Variants in TSHZ2 observed in about 807,000 individuals in gnomAD.
TSHZ2 encodes teashirt homolog 2.
A neutral mutation model predicts 74.4 loss-of-function variants in TSHZ2; 21 were observed. The observed-to-expected ratio is 0.28, with a 90% CI of 0.20 to 0.41. The LOEUF (loss-of-function observed/expected upper bound fraction) is 0.41. TSHZ2 is among the 10% of genes least tolerant of loss of function. The probability of loss-of-function intolerance (pLI) is 1.00; values close to 1 mark genes in which losing one functional copy is unlikely to be tolerated. For missense variants in TSHZ2, 1,244 were observed against 1,293.5 expected (o/e 0.96, Z 0.59); for synonymous variants, 540 against 515.3 (o/e 1.05, Z -0.65).
intron 1 of TSHZ2, among the ~76,000 whole-genome samples, chr20:53,096,711 G>A (rs979519391): frequency 6.6e-5 from 10 of 151,650 alleles, no homozygotes; most frequent in Non-Finnish European, 1.0e-4. Context: ...GGTGAAACTC[G>A]TCTCTACTAA....
chr20:53,056,338 G>C lies in TSHZ2; in HGVS notation c.40+83005G>C, dbSNP rs572838454. ...ACCAACTATATACACTGAAACAGGT[G>C]ATGCCTAAGTACCAGACCCTTGAAC... On this transcript the variant is annotated intron_variant, in intron 1 of 2. Transcript: ENST00000371497. 2.0e-5 allele frequency among the ~76,000 whole-genome samples: 3 copies of C among 152,288 alleles called. No homozygotes were observed. In the South Asian group the frequency reaches 6.2e-4, roughly 32 times the overall value.
intron 1 of TSHZ2, among the ~76,000 whole-genome samples, chr20:53,114,075 T>C (rs986311330): frequency 2.0e-5 from 3 of 146,506 alleles, no homozygotes; most frequent in Admixed American, 1.4e-4. Context: ...GCCTGGGTAA[T>C]GGAGCAAGAC....
At chr20:52,973,601 T>C (rs1981215181) in intron 1 of TSHZ2, among the ~76,000 whole-genome samples, 1 of 152,172 alleles carries the variant, frequency 6.6e-6, no homozygotes, top group African/African-American at 2.4e-5. Flanking sequence ...CCCCTAACTT[T>C]CTTCCAGTCT....
chr20:53,264,893 G>A (rs1042330518), intron 2 of TSHZ2, among the ~76,000 whole-genome samples: 2 of 152,162 alleles, frequency 1.3e-5, no homozygotes, highest in African/African-American at 4.8e-5. Context: ...AGGGCACCAT[G>A]GCTTACAGGG....
At chr20:53,043,511 A>C (rs1287922877) in intron 1 of TSHZ2, among the ~76,000 whole-genome samples, 1 of 152,134 alleles carries the variant, frequency 6.6e-6, no homozygotes, top group Admixed American at 6.6e-5. Flanking sequence ...TAAGTGTCTG[A>C]GTTTATTATA....
At chr20:53,101,452 G>A (rs1037715308) in intron 1 of TSHZ2, among the ~76,000 whole-genome samples, 1 of 152,054 alleles carries the variant, frequency 6.6e-6, no homozygotes, top group Admixed American at 6.6e-5. Context: ...TCCCACCGTC[G>A]TTCTTGGTAG....
intron 1 of TSHZ2, among the ~76,000 whole-genome samples, chr20:53,057,501 T>C (rs1024030934): frequency 8.5e-5 from 13 of 152,214 alleles, no homozygotes; most frequent in Non-Finnish European, 1.8e-4. Flanking sequence ...ATGTATGTTT[T>C]TTTTTCTTTT....
chr20:53,224,726 T>C (rs1386234387), intron 1 of TSHZ2, among the ~76,000 whole-genome samples: 2 of 151,970 alleles, frequency 1.3e-5, no homozygotes, highest in East Asian at 3.9e-4. Context: ...GGTGGACACC[T>C]GTAATCCCAG....
At chr20:53,243,729 AC>A (rs1169346494) in intron 1 of TSHZ2, among the ~76,000 whole-genome samples, 1 of 151,962 alleles carries the variant, frequency 6.6e-6, no homozygotes, top group Admixed American at 6.6e-5. Flanking sequence ...GACAGCAAAG[AC>A]TTTTCACCAG....
intron 1 of TSHZ2, among the ~76,000 whole-genome samples, chr20:53,045,245 C>G (rs1044135073): frequency 6.6e-6 from 1 of 152,186 alleles, no homozygotes; most frequent in African/African-American, 2.4e-5. Context: ...TACGCTGACT[C>G]TCACAGTGAC....
chr20:52,992,972 C>T (rs1982048147), intron 1 of TSHZ2, among the ~76,000 whole-genome samples: 1 of 152,130 alleles, frequency 6.6e-6, no homozygotes, highest in Non-Finnish European at 1.5e-5. Context: ...TAGGTGCCCT[C>T]TCGATTGGAA....
In TSHZ2 at chr20:53,316,959, C is replaced by T. The variant is rs567759115; in HGVS notation, c.*8+60388C>T. Among the ~76,000 whole-genome samples, 29 of 152,186 alleles carry T rather than the reference C, an allele frequency of 1.9e-4. No homozygotes were observed. The East Asian group carries it at 5.4e-3, about 28-fold the overall frequency. ...TTTCAATGAGCTGCCTACAATCCCA[C>T]CATTAATGCTTCAGTGTTTTGGCTT... On this transcript the variant is annotated intron_variant, in intron 2 of 2. Transcript: ENST00000371497.
At chr20:53,020,039 G>C (rs1200900886) in intron 1 of TSHZ2, among the ~76,000 whole-genome samples, 3 of 152,160 alleles carry the variant, frequency 2.0e-5, no homozygotes, top group Non-Finnish European at 4.4e-5. Context: ...CAGGAGAAGA[G>C]AGTATGCAGG....
rs1405986915 is a variant in TSHZ2, at chr20:53,255,515, C to A, written c.2057C>A (p.Ala686Asp). ...AATGGGTGCGCCCTCGCCAACCACG[C>A]CCCGGCCCTGCCATGCATCAACCCA... ...LSNGCALANH[A>D]PALPCINPLS... Residue 686 changes from alanine to aspartate, a missense_variant, in exon 2 of 3, where the codon GCC becomes GAC. Ala to Asp is a moderately radical substitution (Grantham distance 126). Transcript: ENST00000371497. This position sits in a 1 kb window ranked among gnomAD's most constrained non-coding sequence, Gnocchi z 4.1. 10 of 1,588,808 alleles carry A rather than the reference C, an allele frequency of 6.3e-6. No homozygotes were observed. Among genetic ancestry groups the A allele is most frequent in the African/African-American group, 1.4e-5 (1 of 74,046 alleles).
chr20:53,016,932 T>C (rs1281488433), intron 1 of TSHZ2, among the ~76,000 whole-genome samples: 2 of 152,160 alleles, frequency 1.3e-5, no homozygotes, highest in Non-Finnish European at 2.9e-5. Flanking sequence ...GGGGGCTTGC[T>C]TGTTTTCATC....
chr20:53,234,915 T>C (rs1371374684), intron 1 of TSHZ2, among the ~76,000 whole-genome samples: 2 of 152,070 alleles, frequency 1.3e-5, no homozygotes, highest in African/African-American at 4.8e-5. Flanking sequence ...ATCTGATGTA[T>C]CTTTCATTCT....
chr20:53,164,528 T>C (rs552298181), intron 1 of TSHZ2, among the ~76,000 whole-genome samples: 1 of 152,312 alleles, frequency 6.6e-6, no homozygotes, highest in African/African-American at 2.4e-5. Flanking sequence ...TCTGTGATGA[T>C]GGAAATACCC....
intron 2 of TSHZ2, among the ~76,000 whole-genome samples, chr20:53,329,468 C>T (rs1007367790): frequency 1.3e-5 from 2 of 152,192 alleles, no homozygotes; most frequent in Non-Finnish European, 1.5e-5. Context: ...CTGAATTTAA[C>T]TCCGGAAAGC....
chr20:52,993,268 C>A (rs1982060128), intron 1 of TSHZ2, among the ~76,000 whole-genome samples: 1 of 152,174 alleles, frequency 6.6e-6, no homozygotes, highest in African/African-American at 2.4e-5. Context: ...CTGCTCACTG[C>A]ATTCCCCCGG....
Sources: gnomAD v4.1 joint callset for allele counts (sites outside exome capture counted in the v4.1 genomes callset) on GRCh38, gnomAD v4.1.1 for gene constraint, Gnocchi (gnomAD v3.1) non-coding constraint, MANE v1.5 for transcripts, NCBI Gene and HGNC (gene_info 2026-07-23, HGNC 2026-07-21) for gene names.